The following ADRB3 variants were observed in gnomAD, a reference collection of about 807,000 sequenced individuals.
The protein encoded by ADRB3 is adrenoceptor beta 3, also known as beta-3 adrenergic receptor.
In ADRB3, 33 loss-of-function variants were observed where a neutral mutation model predicts 23.8. The ratio of observed to expected loss-of-function variants is 1.38; its 90% CI spans 1.05 to 1.85. ADRB3 has a LOEUF of 1.85. Among genes scored for constraint, ADRB3 ranks in the 40% most tolerant of loss-of-function variants. The pLI, the probability that ADRB3 is intolerant of heterozygous loss-of-function variation, is 0.00. For missense variants in ADRB3, 600 were observed against 579.6 expected (o/e 1.04, Z -0.36); for synonymous variants, 289 against 273.0 (o/e 1.06, Z -0.58).
chr8:37,963,943 A>G lies in ADRB3; in HGVS notation c.*275T>C, dbSNP rs1319015484. Reference sequence around the variant, plus strand: ...AAGCCGGGTGATGGGTGCCCCTACCAAAGCCAGCCTGCTGCTCCACGGCAC... The same window carrying G: ...AAGCCGGGTGATGGGTGCCCCTACCGAAGCCAGCCTGCTGCTCCACGGCAC... On this transcript the variant is annotated 3_prime_UTR_variant, in exon 2 of 2. Transcript: ENST00000345060. 2.4e-6 allele frequency: 1 copy of G among 413,328 alleles called. No individual in the cohort carries two copies. The highest frequency in any genetic ancestry group is 4.4e-6 in the Non-Finnish European group (1 of 227,124). The allele number at this position is 413,328 out of a possible 1,614,324, so 25.6% of individuals were successfully genotyped here.
chr8:37,965,322 C>A lies in ADRB3; in HGVS notation c.1148G>T (p.Gly383Val). 3 of 1,543,870 alleles carry A rather than the reference C, an allele frequency of 1.9e-6. No homozygotes were observed. Among genetic ancestry groups the A allele is most frequent in the East Asian group, 2.4e-5 (1 of 41,408 alleles). Residue 383 changes from glycine to valine, a missense_variant, in exon 1 of 2, where the codon GGC becomes GTC. Coordinates refer to ENST00000345060, the MANE Select transcript of ADRB3 (RefSeq NM_000025.3). ...TGGGCTGCTCCGGGCCGCAGGAACG[C>A]CCGAGGGGAAGAGGGCCGGGCGGGC... ...AAARPALFPS[G>V]VPAARSSPAQ...
Position 37,964,112 on chromosome 8 carries a change from G to A in ADRB3, c.*106C>T. 4.0e-6 allele frequency: 4 copies of A among 1,009,174 alleles called. No individual in the cohort carries two copies. The highest frequency in any genetic ancestry group is 6.2e-6 in the Non-Finnish European group (4 of 647,778). The allele number at this position is 1,009,174 out of a possible 1,614,324, so 62.5% of individuals were successfully genotyped here. On this transcript the variant is annotated 3_prime_UTR_variant, in exon 2 of 2. Coordinates refer to ENST00000345060, the MANE Select transcript of ADRB3 (RefSeq NM_000025.3). ...ATGGCCCAGTCGTCAGGTTCTGGAG[G>A]GTAGAGTGTCACAGCCGGGGAATCC...
In ADRB3 at chr8:37,965,443, G is replaced by C. The variant is rs1456854445; in HGVS notation, c.1027C>G (p.Pro343Ala). The change falls in exon 1 of 2, where the codon CCG becomes GCG. Residue 343 changes from proline (P) to alanine (A), a missense_variant. Coordinates refer to ENST00000345060, the MANE Select transcript of ADRB3 (RefSeq NM_000025.3). ...WLGYANSAFN[P>A]LIYCRSPDFR... ...TCCGGGCTGCGGCAGTAGATGAGCG[G>C]GTTGAAGGCAGAATTGGCATAACCT... 26 of 1,551,034 alleles carry C rather than the reference G, an allele frequency of 1.7e-5. No homozygotes were observed. Among genetic ancestry groups the C allele is most frequent in the Non-Finnish European group, 2.3e-5 (26 of 1,147,062 alleles).
Sources: allele counts gnomAD v4.1 joint callset, GRCh38; gene constraint gnomAD v4.1.1; transcripts MANE v1.5; gene names NCBI Gene and HGNC (gene_info 2026-07-23, HGNC 2026-07-21).